Variants in ARMC9 observed in about 807,000 individuals in gnomAD.
ARMC9 encodes the protein armadillo repeat containing 9, also known as lisH domain-containing protein ARMC9.
In ARMC9, 94 loss-of-function variants were observed where a neutral mutation model predicts 107.0. The observed-to-expected ratio is 0.88, with a 90% CI of 0.74 to 1.04. The LOEUF (loss-of-function observed/expected upper bound fraction) is 1.04. ARMC9 is among the 50% of genes least tolerant of loss of function. ARMC9 has a pLI of 0.00. For synonymous variants in ARMC9, 380 were observed against 396.9 expected, an observed-to-expected ratio of 0.96 and a Z score of 0.51; for missense variants, 942 against 1,030.1, an observed-to-expected ratio of 0.91 and a Z score of 1.17.
intron 19 of ARMC9, among the ~76,000 whole-genome samples, chr2:231,308,248 C>T (rs886298578): frequency 6.6e-6 from 1 of 152,354 alleles, no homozygotes; most frequent in Non-Finnish European, 1.5e-5. Flanking sequence ...CCCTGGCTTT[C>T]TCCCGTGTAT....
chr2:231,246,165 A>G (rs976978032), intron 9 of ARMC9, among the ~76,000 whole-genome samples: 3 of 152,208 alleles, frequency 2.0e-5, no homozygotes, highest in African/African-American at 7.2e-5. Context: ...CAACAACTCC[A>G]GATAAGGCCC....
intron 9 of ARMC9, among the ~76,000 whole-genome samples, chr2:231,252,920 G>A (rs1338207008): frequency 2.0e-5 from 3 of 150,896 alleles, no homozygotes; most frequent in Admixed American, 1.3e-4. Context: ...GAGTACAGGC[G>A]TGAACGGCTA....
intron 20 of ARMC9, among the ~76,000 whole-genome samples, chr2:231,334,222 A>G (rs1338023691): frequency 1.3e-5 from 2 of 152,226 alleles, no homozygotes; most frequent in Non-Finnish European, 2.9e-5. Context: ...GGCTGCAGTA[A>G]CAAAGCACCA....
chr2:231,249,994 G>A (rs896549151), intron 9 of ARMC9, among the ~76,000 whole-genome samples: 10 of 149,590 alleles, frequency 6.7e-5, no homozygotes, highest in African/African-American at 2.2e-4. Context: ...CCGCCCACCC[G>A]TGCACACCTC....
intron 14 of ARMC9, among the ~76,000 whole-genome samples, chr2:231,275,203 G>C (rs1276125211): frequency 6.6e-6 from 1 of 152,196 alleles, no homozygotes; most frequent in Non-Finnish European, 1.5e-5. Flanking sequence ...AGTCTTCACT[G>C]TATTCTAATA....
chr2:231,312,656 T>C (rs1258594643), intron 19 of ARMC9, among the ~76,000 whole-genome samples: 2 of 152,030 alleles, frequency 1.3e-5, no homozygotes, highest in Non-Finnish European at 2.9e-5. Context: ...AGTTAGAGTT[T>C]TGGTGATCAA....
chr2:231,281,718 G>A (rs561363530), intron 16 of ARMC9, among the ~76,000 whole-genome samples: 36 of 152,290 alleles, frequency 2.4e-4, no homozygotes, highest in African/African-American at 8.7e-4. Context: ...CAGTATTGGA[G>A]ACTGAACAAC....
chr2:231,215,508 G>A (rs1047964521), intron 4 of ARMC9, among the ~76,000 whole-genome samples: 6 of 152,318 alleles, frequency 3.9e-5, no homozygotes, highest in South Asian at 4.1e-4. Flanking sequence ...TTTAAACTTA[G>A]GTAGTGGAAA....
At position 231,240,038 on chromosome 2, in the gene ARMC9, G is replaced by A; in HGVS notation, c.876G>A (p.Gly292=). 1 of 1,612,838 alleles carries A rather than the reference G, an allele frequency of 6.2e-7. No individual in the cohort carries two copies. ...LAHSVDFTRP[G]TASTMLRASL... is the part of the protein sequence containing the mutation. ...ATAGTGTGGACTTCACGAGGCCTGGGACGGTGAGGCTCTGCGCTCAGGGCA... is the reference window on the plus strand; with the variant it reads ...ATAGTGTGGACTTCACGAGGCCTGGAACGGTGAGGCTCTGCGCTCAGGGCA... Residue 292 remains glycine, a synonymous_variant, in exon 9 of 25, where the codon GGG becomes GGA. Coordinates refer to ENST00000611582, the MANE Select transcript of ARMC9 (RefSeq NM_001352754.2).
At chr2:231,261,042 C>A (rs565249711) in intron 11 of ARMC9, among the ~76,000 whole-genome samples, 1 of 152,158 alleles carries the variant, frequency 6.6e-6, no homozygotes, top group African/African-American at 2.4e-5. Flanking sequence ...GAGGCCTCCC[C>A]GGCTCTCCTT....
intron 9 of ARMC9, among the ~76,000 whole-genome samples, chr2:231,245,632 A>C (rs1028138781): frequency 2.0e-5 from 3 of 152,186 alleles, no homozygotes; most frequent in African/African-American, 7.2e-5. Flanking sequence ...GTCCTTCTAG[A>C]GCCTTGAAGT....
intron 7 of ARMC9, among the ~76,000 whole-genome samples, chr2:231,228,280 T>A (rs1021976190): frequency 3.3e-5 from 5 of 152,214 alleles, no homozygotes; most frequent in Non-Finnish European, 4.4e-5. Context: ...CATTCACTTA[T>A]AATGGTGATG....
intron 12 of ARMC9, chr2:231,270,674 A>G: frequency 1.9e-6 from 1 of 539,170 alleles, no homozygotes. Flanking sequence ...TGGATCTGCC[A>G]TTCTAACCTG....
chr2:231,330,391 C>T (rs1437787719), intron 19 of ARMC9, among the ~76,000 whole-genome samples: 1 of 152,138 alleles, frequency 6.6e-6, no homozygotes, highest in Admixed American at 6.5e-5. Context: ...ACCCACTACG[C>T]CTCCACTAAT....
chr2:231,208,967 T>A (rs2032424602), intron 3 of ARMC9, among the ~76,000 whole-genome samples: 1 of 152,088 alleles, frequency 6.6e-6, no homozygotes, highest in Non-Finnish European at 1.5e-5. Context: ...GGTGGTACGA[T>A]CTCGGCTCAT....
chr2:231,220,206 C>A (rs1037962261), intron 5 of ARMC9, among the ~76,000 whole-genome samples: 5 of 151,226 alleles, frequency 3.3e-5, no homozygotes, highest in African/African-American at 1.2e-4. Flanking sequence ...TCAGTTAACT[C>A]TTTTTTTTTC....
intron 22 of ARMC9, among the ~76,000 whole-genome samples, chr2:231,357,382 C>A (rs1473782393): frequency 6.6e-6 from 1 of 152,102 alleles, no homozygotes; most frequent in East Asian, 1.9e-4. Flanking sequence ...ATGCTGAGAC[C>A]GTGTTCTGAG....
chr2:231,202,530 C>G (rs535301258), intron 1 of ARMC9, among the ~76,000 whole-genome samples: 45 of 152,020 alleles, frequency 3.0e-4, no homozygotes, highest in Non-Finnish European at 5.3e-4. Flanking sequence ...CCACGTTGCC[C>G]AGGCTGGTCT....
intron 6 of ARMC9, among the ~76,000 whole-genome samples, chr2:231,225,810 A>G (rs2125339535): frequency 6.6e-6 from 1 of 152,360 alleles, no homozygotes; most frequent in South Asian, 2.1e-4. Context: ...TGATGGTTGC[A>G]TAACTCTGAA....
Sources: allele counts gnomAD v4.1 joint callset (sites outside exome capture counted in the v4.1 genomes callset), GRCh38; gene constraint gnomAD v4.1.1; transcripts MANE v1.5; gene names NCBI Gene and HGNC (gene_info 2026-07-23, HGNC 2026-07-21).